Variants in SBF2 observed in about 807,000 individuals in gnomAD.
SBF2 encodes the protein SET binding factor 2.
Under a neutral mutation model 225.2 loss-of-function variants are expected in SBF2, and 112 were observed. The observed-to-expected ratio is 0.50, with a 90% CI of 0.43 to 0.58. SBF2 has a LOEUF of 0.58. Among genes scored for constraint, SBF2 ranks in the 20% least tolerant of loss-of-function variants. SBF2 has a pLI of 0.00. For missense variants in SBF2, 1,996 were observed against 2,206.2 expected, an observed-to-expected ratio of 0.90 and a Z score of 1.91; for synonymous variants, 763 against 773.3, an observed-to-expected ratio of 0.99 and a Z score of 0.22.
At chr11:10,068,063 A>T (rs1484837974) in intron 2 of SBF2, among the ~76,000 whole-genome samples, 8 of 152,186 alleles carry the variant, frequency 5.3e-5, no homozygotes, top group South Asian at 4.1e-4. Context: ...GAAATGAAGC[A>T]ATGTGTTAAT....
At chr11:9,832,162 C>A (rs1855439763) in intron 27 of SBF2, 62 bp downstream of exon 27, 1 of 1,473,292 alleles carries the variant, frequency 6.8e-7, no homozygotes, top group South Asian at 1.2e-5. Flanking sequence ...ATTTTACTTC[C>A]TTTATTTTTA....
intron 16 of SBF2, chr11:9,960,757 T>G (rs1398359358): frequency 6.6e-6 from 1 of 152,180 alleles, no homozygotes; most frequent in Non-Finnish European, 1.5e-5. Flanking sequence ...CTCCGCCTTC[T>G]GGTTTCAAGT....
intron 37 of SBF2, 23 bp from the exon 38 acceptor site, chr11:9,784,461 A>G (rs1364077037): frequency 4.5e-6 from 7 of 1,566,932 alleles, no homozygotes; most frequent in East Asian, 2.2e-5. Context: ...ATGACAGGAG[A>G]GTTAATTTTG....
chr11:9,852,531 A>T, intron 21 of SBF2, 145 bp downstream of exon 21: 1 of 696,034 alleles, frequency 1.4e-6, no homozygotes, highest in East Asian at 2.6e-5. Flanking sequence ...TATATGACAC[A>T]CTTCTCTGAC....
chr11:10,249,519 G>C (rs1218907531), intron 1 of SBF2, among the ~76,000 whole-genome samples: 2 of 152,088 alleles, frequency 1.3e-5, no homozygotes, highest in Non-Finnish European at 2.9e-5. Flanking sequence ...CTATCAATGA[G>C]TAAACATTGT....
At chr11:9,842,561 C>A in intron 25 of SBF2, 64 bp downstream of exon 25, 2 of 1,548,034 alleles carry the variant, frequency 1.3e-6, no homozygotes, top group African/African-American at 1.4e-5. Context: ...GCAACTACAT[C>A]TGAGTCTCTT....
At chr11:9,996,857 C>G (rs1442005966) in intron 9 of SBF2, among the ~76,000 whole-genome samples, 2 of 152,158 alleles carry the variant, frequency 1.3e-5, no homozygotes, top group African/African-American at 2.4e-5. Flanking sequence ...CAAACAATCA[C>G]CTAGTCATCT....
At chr11:9,851,140 A>T (rs897232521) in intron 21 of SBF2, among the ~76,000 whole-genome samples, 2 of 149,666 alleles carry the variant, frequency 1.3e-5, no homozygotes, top group African/African-American at 4.9e-5. Context: ...CATCTCAAAA[A>T]AAAAAAAAAC....
intron 17 of SBF2, among the ~76,000 whole-genome samples, chr11:9,892,616 A>G (rs558901870): frequency 2.3e-4 from 35 of 151,420 alleles, no homozygotes; most frequent in African/African-American, 7.7e-4. Context: ...CTGGAGTACA[A>G]TGGTGCGCTC....
At chr11:9,840,440 C>T (rs1206190089) in intron 25 of SBF2, among the ~76,000 whole-genome samples, 1 of 152,006 alleles carries the variant, frequency 6.6e-6, no homozygotes, top group Non-Finnish European at 1.5e-5. Context: ...AGTAATTCAA[C>T]TAAAAAATGT....
chr11:10,272,913 T>C (rs1171671103), intron 1 of SBF2, among the ~76,000 whole-genome samples: 1 of 151,866 alleles, frequency 6.6e-6, no homozygotes, highest in Non-Finnish European at 1.5e-5. Context: ...CTACTAATAA[T>C]ACAAAAATTA....
At chr11:10,289,686 G>C (rs775251063) in intron 1 of SBF2, among the ~76,000 whole-genome samples, 1 of 152,122 alleles carries the variant, frequency 6.6e-6, no homozygotes, top group Non-Finnish European at 1.5e-5. Flanking sequence ...GCCTACCCCT[G>C]AGGCACAGGA....
intron 3 of SBF2, among the ~76,000 whole-genome samples, chr11:10,033,415 C>T (rs1430501288): frequency 6.6e-6 from 1 of 151,960 alleles, no homozygotes; most frequent in East Asian, 1.9e-4. Flanking sequence ...TAAACACTCA[C>T]CAAAAGGAAT....
At chr11:10,106,636 A>C (rs1159268495) in intron 2 of SBF2, among the ~76,000 whole-genome samples, 1 of 151,626 alleles carries the variant, frequency 6.6e-6, no homozygotes, top group African/African-American at 2.4e-5. Flanking sequence ...CTCAATTAAA[A>C]AAAAAAAAAA....
chr11:9,919,233 G>A, intron 16 of SBF2, among the ~76,000 whole-genome samples: 1 of 149,950 alleles, frequency 6.7e-6, no homozygotes, highest in East Asian at 2.0e-4. Context: ...TTTCCATCAA[G>A]ATTTGAAATA....
At chr11:9,994,786 C>G (rs1947617180) in intron 9 of SBF2, among the ~76,000 whole-genome samples, 1 of 151,956 alleles carries the variant, frequency 6.6e-6, no homozygotes. Context: ...CCTGTAATCC[C>G]AACACTTTGG....
intron 16 of SBF2, among the ~76,000 whole-genome samples, chr11:9,904,381 A>G (rs915075683): frequency 3.3e-5 from 5 of 152,222 alleles, no homozygotes; most frequent in Non-Finnish European, 7.3e-5. Flanking sequence ...AATAATAAAT[A>G]GCTCAATCTA....
chr11:10,133,293 G>A lies in SBF2; in HGVS notation c.141+60609C>T, dbSNP rs1005631739. ...AGGTGGAGCTGCCTGCCAGTCCTGCGCCGTGTGCTCGCATTCCTCAGCCCT... is the reference window on the plus strand; with the variant it reads ...AGGTGGAGCTGCCTGCCAGTCCTGCACCGTGTGCTCGCATTCCTCAGCCCT... On this transcript the variant is annotated intron_variant, in intron 2 of 39. Transcript: ENST00000256190. Among the ~76,000 whole-genome samples, 38 of 149,510 alleles carry A rather than the reference G, an allele frequency of 2.5e-4. 1 individual carries two copies. The highest frequency in any genetic ancestry group is 8.1e-4 in the African/African-American group (33 of 40,604).
chr11:9,817,097 T>C (rs1854497239), intron 28 of SBF2, 73 bp from the exon 29 acceptor site: 3 of 1,523,878 alleles, frequency 2.0e-6, no homozygotes, highest in Non-Finnish European at 2.7e-6. Context: ...AAAAGGTGCA[T>C]GCTCTGGAGC....
Sources: gnomAD v4.1 joint callset for allele counts (sites outside exome capture counted in the v4.1 genomes callset) on GRCh38, gnomAD v4.1.1 for gene constraint, MANE v1.5 for transcripts, NCBI Gene and HGNC (gene_info 2026-07-23, HGNC 2026-07-21) for gene names.